PRIM2: variants seen among roughly 807,000 people sequenced by gnomAD.
PRIM2 encodes DNA primase large subunit.
A neutral mutation model predicts 67.3 loss-of-function variants in PRIM2; 39 were observed. The observed-to-expected ratio is 0.58, with a 90% CI of 0.45 to 0.76. The LOEUF is 0.76. Ranked by LOEUF, PRIM2 falls within the 30% of genes least tolerant of loss-of-function variation. The pLI, the probability that PRIM2 is intolerant of heterozygous loss-of-function variation, is 0.00. For synonymous variants in PRIM2, 143 were observed against 198.7 expected, an observed-to-expected ratio of 0.72 and a Z score of 2.36; for missense variants, 398 against 598.7, an observed-to-expected ratio of 0.66 and a Z score of 3.50.
intron 8 of PRIM2, among the ~76,000 whole-genome samples, chr6:57,528,216 G>A (rs1230708719): frequency 2.0e-5 from 3 of 148,654 alleles, no homozygotes; most frequent in Non-Finnish European, 4.5e-5. Context: ...CGGTCCTCCT[G>A]CCTTGGCTTC....
chr6:57,308,081 C>T, the PRIM2 span, among the ~76,000 whole-genome samples: 1 of 152,034 alleles, frequency 6.6e-6, no homozygotes, highest in Non-Finnish European at 1.5e-5. Flanking sequence ...TTAAAAAATT[C>T]CATTGTATGA....
chr6:57,531,674 C>T lies in PRIM2; in HGVS notation c.762-737C>T, dbSNP rs1440645615. ...TTATAGGGAAGAGGATGATATGGTG[C>T]GGTGAAAAAATGGGGAATTAGGAAT... On this transcript the variant is annotated intron_variant, in intron 8 of 13. Coordinates refer to ENST00000615550, the MANE Select transcript of PRIM2 (RefSeq NM_000947.5). 4.6e-5 allele frequency among the ~76,000 whole-genome samples: 7 copies of T among 152,092 alleles called. No homozygotes were observed. The South Asian group carries it at 6.2e-4, about 14-fold the overall frequency.
chr6:57,245,249 A>C, the PRIM2 span, among the ~76,000 whole-genome samples: 1 of 152,132 alleles, frequency 6.6e-6, no homozygotes, highest in Non-Finnish European at 1.5e-5. Flanking sequence ...GCTGCTGTTG[A>C]GCATGCTCCA....
chr6:57,257,562 C>T, the PRIM2 span, among the ~76,000 whole-genome samples: 5 of 152,118 alleles, frequency 3.3e-5, no homozygotes, highest in Non-Finnish European at 5.9e-5. Flanking sequence ...TGAGCCATCG[C>T]GCCCAGACTG....
intron 8 of PRIM2, among the ~76,000 whole-genome samples, chr6:57,513,121 G>T (rs1430383945): frequency 6.6e-6 from 1 of 151,440 alleles, no homozygotes; most frequent in Non-Finnish European, 1.5e-5. Context: ...CATATGATTA[G>T]ATATGTAATC....
At chr6:57,462,605 T>C (rs1255057840) in intron 7 of PRIM2, among the ~76,000 whole-genome samples, 1 of 152,196 alleles carries the variant, frequency 6.6e-6, no homozygotes, top group Non-Finnish European at 1.5e-5. Flanking sequence ...GGCTGTAACC[T>C]TAGTCTTAGG....
chr6:57,444,482 G>A (rs1235976210), intron 7 of PRIM2, among the ~76,000 whole-genome samples: 1 of 151,494 alleles, frequency 6.6e-6, no homozygotes, highest in African/African-American at 2.4e-5. Context: ...CAGAAGAATC[G>A]CTTGAACCTG....
intron 5 of PRIM2, among the ~76,000 whole-genome samples, chr6:57,337,347 G>C (rs1241431022): frequency 4.6e-5 from 7 of 151,974 alleles, no homozygotes; most frequent in Non-Finnish European, 1.0e-4. Context: ...ACTCAGCTCT[G>C]CACCAAGCAG....
At chr6:57,432,222 G>T (rs984742) in intron 7 of PRIM2, among the ~76,000 whole-genome samples, 82,233 of 144,212 alleles carry the variant, frequency 0.57, 22,711 homozygotes, top group African/African-American at 0.67. Flanking sequence ...TTCCATTTTT[G>T]GGGGGGGTTG....
intron 5 of PRIM2, among the ~76,000 whole-genome samples, chr6:57,353,430 C>T (rs1768921805): frequency 6.6e-6 from 1 of 152,114 alleles, no homozygotes; most frequent in South Asian, 2.1e-4. Flanking sequence ...TCTGTCTCTC[C>T]TGATTTTCAT....
At chr6:57,595,290 C>G (rs1174597822) in intron 10 of PRIM2, among the ~76,000 whole-genome samples, 1 of 152,056 alleles carries the variant, frequency 6.6e-6, no homozygotes, top group Admixed American at 6.6e-5. Context: ...TTGAGAATAG[C>G]CAAAAACTGT....
intron 5 of PRIM2, among the ~76,000 whole-genome samples, chr6:57,378,418 G>T (rs1214141780): frequency 6.6e-6 from 1 of 151,934 alleles, no homozygotes; most frequent in African/African-American, 2.4e-5. Flanking sequence ...CATACAGATT[G>T]TGCTTGTCTT....
At position 57,410,523 on chromosome 6, in the gene PRIM2, A is replaced by C. The variant is rs998143401; in HGVS notation, c.693+28355A>C. On this transcript the variant is annotated intron_variant, in intron 7 of 13. Coordinates refer to ENST00000615550, the MANE Select transcript of PRIM2 (RefSeq NM_000947.5). Reference sequence around the variant, plus strand: ...TCTTGATTATTGTAGCTTTATAATAAGTTTTGAAATTAGGTAGAGTCAGTG... The same window carrying C: ...TCTTGATTATTGTAGCTTTATAATACGTTTTGAAATTAGGTAGAGTCAGTG... Among the ~76,000 whole-genome samples the C allele has an allele frequency of 5.5e-3, 831 of 152,102 alleles. 18 individuals carry two copies. Among genetic ancestry groups the C allele is most frequent in the Non-Finnish European group, 9.6e-4 (65 of 67,998 alleles).
chr6:57,309,190 G>T, the PRIM2 span, among the ~76,000 whole-genome samples: 1 of 150,170 alleles, frequency 6.7e-6, no homozygotes, highest in Non-Finnish European at 1.5e-5. Flanking sequence ...TACACATTGT[G>T]CAGGTTAGTT....
upstream of PRIM2, among the ~76,000 whole-genome samples, chr6:57,316,638 T>C (rs936301745): frequency 6.6e-6 from 1 of 152,228 alleles, no homozygotes; most frequent in Admixed American, 6.5e-5. Flanking sequence ...AAGGACTACC[T>C]ATACCGGAGC....
intron 7 of PRIM2, among the ~76,000 whole-genome samples, chr6:57,476,601 A>G (rs1409350937): frequency 8.5e-5 from 13 of 152,220 alleles, no homozygotes; most frequent in African/African-American, 3.1e-4. Context: ...CCATCATTGT[A>G]TTTGCATTAT....
rs397958660 is a variant in PRIM2, at chr6:57,446,418, C to CT, written c.694-60954dup. Among the ~76,000 whole-genome samples, 203 of 83,818 alleles carry CT rather than the reference C, an allele frequency of 2.4e-3. 24 individuals are homozygous for CT. The East Asian group carries it at 0.028, about 12-fold the overall frequency. 55.0% of individuals were successfully genotyped at this position (83,818 alleles called of 152,430 possible). On this transcript the variant is annotated intron_variant, in intron 7 of 13. Coordinates refer to ENST00000615550, the MANE Select transcript of PRIM2 (RefSeq NM_000947.5). ...GGCATAGGCCTGGCACACGCCACTTCTTTTTTTTTTTTTTTGAGACAGTCT... is the reference window on the plus strand; with the variant it reads ...GGCATAGGCCTGGCACACGCCACTTCTTTTTTTTTTTTTTTTGAGACAGTCT...
At chr6:57,643,603 T>C (rs1777284988) in intron 13 of PRIM2, among the ~76,000 whole-genome samples, 1 of 152,242 alleles carries the variant, frequency 6.6e-6, no homozygotes, top group Non-Finnish European at 1.5e-5. Flanking sequence ...AACATACTTT[T>C]TGTGAAACAC....
intron 5 of PRIM2, among the ~76,000 whole-genome samples, chr6:57,348,415 C>T (rs997123915): frequency 3.3e-5 from 5 of 152,012 alleles, no homozygotes; most frequent in African/African-American, 4.8e-5. Flanking sequence ...AAGTGGGAGT[C>T]ATTATTTTAA....
Sources: gnomAD v4.1 joint callset for allele counts (sites outside exome capture counted in the v4.1 genomes callset) on GRCh38, gnomAD v4.1.1 for gene constraint, MANE v1.5 for transcripts, NCBI Gene and HGNC (gene_info 2026-07-23, HGNC 2026-07-21) for gene names.